STARD9: variants seen among roughly 807,000 people sequenced by gnomAD.
STARD9 encodes the protein StAR related lipid transfer domain containing 9, also known as stAR-related lipid transfer protein 9.
STARD9 carries 346 observed loss-of-function variants against 399.8 expected under a neutral mutation model. The observed-to-expected ratio is 0.87, with a 90% CI of 0.79 to 0.95. The LOEUF (loss-of-function observed/expected upper bound fraction) is 0.95, where lower values mean the gene tolerates loss of function less well. Ranked by LOEUF, STARD9 falls within the 40% of genes least tolerant of loss-of-function variation. STARD9 has a pLI of 0.00. For missense variants in STARD9, 5,832 were observed against 5,667.5 expected (o/e 1.03, Z -0.93); for synonymous variants, 2,203 against 2,143.5 (o/e 1.03, Z -0.77).
chr15:42,642,187 C>T (rs1466631088), intron 7 of STARD9, among the ~76,000 whole-genome samples: 1 of 152,180 alleles, frequency 6.6e-6, no homozygotes, highest in Non-Finnish European at 1.5e-5. Context: ...TGAGTACCTA[C>T]AAGATGCCTA....
chr15:42,712,111 A>ATTATATATAATATATATTATATATATTAT lies in STARD9; in HGVS notation c.13285-4566_13285-4565insTTATATATAATATATATTATATATATTAT, dbSNP rs55808206. Among the ~76,000 whole-genome samples the ATTATATATAATATATATTATATATATTAT allele has an allele frequency of 3.5e-3, 11 of 3,178 alleles. 1 individual carries two copies. The highest frequency in any genetic ancestry group is 0.017 in the African/African-American group (9 of 524). 2.1% of individuals were successfully genotyped at this position (3,178 alleles called of 152,430 possible). On this transcript the variant is annotated intron_variant, in intron 26 of 32. Transcript: ENST00000290607. ...TATATATATATAATATATAATATAT[A>ATTATATATAATATATATTATATATATTAT]ATATATAATATATATATAAATGTGC...
In STARD9 at chr15:42,715,895, C is replaced by CTGG. The variant is rs564244442; in HGVS notation, c.13285-779_13285-777dup. On this transcript the variant is annotated intron_variant, in intron 26 of 32. Coordinates refer to ENST00000290607, the MANE Select transcript of STARD9 (RefSeq NM_020759.3). ...GAGGTGGGGGCAACAAGTGAAGAGA[C>CTGG]TGGTGATCAGTAGTGAAAGGCTTCT... Among the ~76,000 whole-genome samples the CTGG allele has an allele frequency of 4.9e-4, 75 of 152,214 alleles. 1 individual carries two copies. The East Asian group carries it at 0.013, about 27-fold the overall frequency.
rs911141204 is a variant in STARD9, at chr15:42,716,678, G to C, written c.13286G>C (p.Gly4429Ala). ...SGQLQFPENM[G>A]HTNLPDSRDV... Reference sequence around the variant, plus strand: ...TCCTGAGTATCCTCTCTTCTGCAGGGGCATACAAACTTGCCTGATTCCAGG... The same window carrying C: ...TCCTGAGTATCCTCTCTTCTGCAGGCGCATACAAACTTGCCTGATTCCAGG... The change falls in exon 27 of 33, where the codon GGG becomes GCG. Residue 4429 changes from glycine to alanine, a missense_variant and splice_region_variant. Coordinates refer to ENST00000290607, the MANE Select transcript of STARD9 (RefSeq NM_020759.3). 1.3e-6 allele frequency: 2 copies of C among 1,530,294 alleles called. No homozygotes were observed. Among genetic ancestry groups the C allele is most frequent in the African/African-American group, 2.7e-5 (2 of 72,896 alleles). 94.8% of individuals were successfully genotyped at this position (1,530,294 alleles called of 1,614,324 possible). A position where few individuals can be genotyped will look rare whatever the true frequency, so the allele number is the denominator to read the frequency against.
rs141452327 is a variant in STARD9, at chr15:42,622,350, C to CCT, written c.235-12489_235-12488dup. On this transcript the variant is annotated intron_variant, in intron 3 of 32. Transcript: ENST00000290607. The stretch of plus-strand genomic sequence containing the variant: ...TCACCTGTAGCTCGCTCTCTCTCTC[C>CCT]CTCTCTCTCTCTCTCTCTGTCTCTC... 3.4e-3 allele frequency among the ~76,000 whole-genome samples: 504 copies of CCT among 149,058 alleles called. 2 individuals carry two copies. The highest frequency in any genetic ancestry group is 9.1e-3 in the African/African-American group (371 of 40,838).
intron 3 of STARD9, among the ~76,000 whole-genome samples, chr15:42,606,946 G>A (rs544269800): frequency 6.6e-6 from 1 of 151,658 alleles, no homozygotes; most frequent in African/African-American, 2.4e-5. Flanking sequence ...GTTTTGAAGT[G>A]TACTTCATTG....
At chr15:42,646,925 T>A (rs2059657422) in intron 7 of STARD9, among the ~76,000 whole-genome samples, 1 of 152,168 alleles carries the variant, frequency 6.6e-6, no homozygotes, top group South Asian at 2.1e-4. Context: ...TATTGTTGTG[T>A]CTCAGGGAAT....
At position 42,674,428 on chromosome 15, in the gene STARD9, T is replaced by C; in HGVS notation, c.1498-12T>C. On this transcript the variant is annotated splice_polypyrimidine_tract_variant and intron_variant, in intron 16 of 32. Transcript: ENST00000290607. ...TTTAATTCTCATTAAAATGGCTTTT[T>C]TCCCCCTTTAGGAAGGGACAACAAA... 2 of 1,536,674 alleles carry C rather than the reference T, an allele frequency of 1.3e-6. No homozygotes were observed. Among genetic ancestry groups the C allele is most frequent in the East Asian group, 4.9e-5 (2 of 40,912 alleles).
At chr15:42,649,352 C>T (rs2059710960) in intron 7 of STARD9, among the ~76,000 whole-genome samples, 1 of 152,140 alleles carries the variant, frequency 6.6e-6, no homozygotes, top group Non-Finnish European at 1.5e-5. Flanking sequence ...AATCTTTTGT[C>T]TCTCTGTGCT....
intron 15 of STARD9, 74 bp downstream of exon 15, chr15:42,665,922 G>C: frequency 1.5e-6 from 2 of 1,290,716 alleles, no homozygotes; most frequent in African/African-American, 1.5e-5. Flanking sequence ...AGCTAGGTAG[G>C]GTTGCTCCCT....
At position 42,689,154 on chromosome 15, in the gene STARD9, G is replaced by C. The variant is rs1043635015; in HGVS notation, c.7576G>C (p.Val2526Leu). ...GACCAGCGGTGTTTCCTTAGCACCT[G>C]TTTCCCTGCCGAGGGTGCCCAGTCC... Reference protein sequence around the residue: ...GLTSGVSLAPVSLPRVPSPEP... With the variant: ...GLTSGVSLAPLSLPRVPSPEP... Residue 2526 changes from valine (V) to leucine (L), a missense_variant, in exon 23 of 33, where the codon GTT becomes CTT. Coordinates refer to ENST00000290607, the MANE Select transcript of STARD9 (RefSeq NM_020759.3). The C allele has an allele frequency of 2.6e-6, 4 of 1,537,168 alleles. No individual in the cohort carries two copies. The African/African-American group carries it at 4.1e-5, about 16-fold the overall frequency.
At chr15:42,596,206 C>T (rs1272757222) in intron 3 of STARD9, among the ~76,000 whole-genome samples, 1 of 152,156 alleles carries the variant, frequency 6.6e-6, no homozygotes, top group Non-Finnish European at 1.5e-5. Context: ...ATGCCCAAAG[C>T]TTGATAGTCA....
Position 42,718,113 on chromosome 15 carries a change from C to T in STARD9, c.13696C>T (p.Pro4566Ser). The change falls in exon 30 of 33, where the codon CCC becomes TCC. Residue 4566 changes from proline (P) to serine (S), a missense_variant. By Grantham distance (74) the Pro-to-Ser change is moderately conservative. This residue lies in a region of STARD9 where 5,828 missense variants were observed against 5,651.1 expected (regional missense o/e 1.03). Transcript: ENST00000290607. The part of the protein sequence containing the change: ...WAAVSDPTVW[P>S]LYYKPIQTAR... ...GGCTGTCAGTGACCCCACTGTGTGG[C>T]CCCTGTATTACAAGCCCATCCAGAC... 2.0e-6 allele frequency: 3 copies of T among 1,537,252 alleles called. No individual in the cohort carries two copies. The highest frequency in any genetic ancestry group is 8.7e-7 in the Non-Finnish European group (1 of 1,146,898).
At chr15:42,664,426 C>T (rs2060050021) in intron 13 of STARD9, among the ~76,000 whole-genome samples, 1 of 152,142 alleles carries the variant, frequency 6.6e-6, no homozygotes, top group East Asian at 1.9e-4. Flanking sequence ...TGCAGCAGCA[C>T]TATTGTGGCT....
Position 42,691,862 on chromosome 15 carries a change from T to C in STARD9, c.10284T>C (p.Gly3428=). The C allele has an allele frequency of 6.5e-7, 1 of 1,537,256 alleles. No homozygotes were observed. The highest frequency in any genetic ancestry group is 2.4e-5 in the East Asian group (1 of 40,928). The change falls in exon 23 of 33, where the codon GGT becomes GGC. Residue 3428 remains glycine (G), a synonymous_variant. Coordinates refer to ENST00000290607, the MANE Select transcript of STARD9 (RefSeq NM_020759.3). ...ATTTCACGACCAGCTGGATGTCTGG[T>C]ACTTTGGAACAAGCCCAACAGGGAA... ...TPDFTTSWMS[G]TLEQAQQGKR... is the part of the protein sequence containing the mutation.
rs144252548 is a variant in STARD9, at chr15:42,633,953, C to T, written c.235-903C>T. ...GCCACCGCGCCTGGCCCTGTCTGGC[C>T]TCATTTCATGTGCTAGTGTTGTCCT... is the stretch of plus-strand genomic sequence containing the variant. On this transcript the variant is annotated intron_variant, in intron 3 of 32. Transcript: ENST00000290607. Among the ~76,000 whole-genome samples the T allele has an allele frequency of 9.9e-5, 15 of 152,020 alleles. No individual in the cohort carries two copies. The East Asian group carries it at 2.7e-3, about 27-fold the overall frequency.
intron 3 of STARD9, among the ~76,000 whole-genome samples, chr15:42,594,878 A>T (rs1373645061): frequency 6.6e-6 from 1 of 152,310 alleles, no homozygotes; most frequent in East Asian, 1.9e-4. Context: ...AGTATGGGGA[A>T]GTATTCCATA....
chr15:42,630,016 T>TTTTTTTTTTTTTG, intron 3 of STARD9: 1 of 147,978 alleles, frequency 6.8e-6, no homozygotes. Context: ...TTTTTTTTTT[T>TTTTTTTTTTTTTG]TTTGTGAGAC....
At chr15:42,625,025 C>G (rs934166791) in intron 3 of STARD9, among the ~76,000 whole-genome samples, 4 of 151,974 alleles carry the variant, frequency 2.6e-5, no homozygotes, top group African/African-American at 9.7e-5. Flanking sequence ...ACATCATAGA[C>G]ATTTAAAGCT....
chr15:42,639,350 C>T (rs1422153651), intron 7 of STARD9, among the ~76,000 whole-genome samples: 2 of 152,276 alleles, frequency 1.3e-5, no homozygotes, highest in Non-Finnish European at 2.9e-5. Context: ...GGCATGGCCT[C>T]TACTGGTTCC....
Sources: allele counts gnomAD v4.1 joint callset (sites outside exome capture counted in the v4.1 genomes callset), GRCh38; gene constraint gnomAD v4.1.1; regional missense constraint gnomAD v4.1.1; transcripts MANE v1.5; gene names NCBI Gene and HGNC (gene_info 2026-07-23, HGNC 2026-07-21).